Variants in FASN observed in about 807,000 individuals in gnomAD.
FASN encodes 3-hydroxyacyl-[acyl-carrier-protein] dehydratase.
Under a neutral mutation model 250.0 loss-of-function variants are expected in FASN, and 50 were observed. That is an observed-to-expected ratio of 0.20 (90% CI 0.16 to 0.25). FASN has a LOEUF of 0.25. FASN is among the 10% of genes least tolerant of loss of function. The probability of loss-of-function intolerance (pLI) is 1.00; values close to 1 mark genes in which losing one functional copy is unlikely to be tolerated. For synonymous variants in FASN, 1,909 were observed against 1,584.0 expected (o/e 1.21, Z -4.87); for missense variants, 3,031 against 3,498.5 (o/e 0.87, Z 3.37).
chr17:82,092,745 C>T lies in FASN; in HGVS notation c.846G>A (p.Val282=), dbSNP rs1336394823. The T allele has an allele frequency of 6.2e-7, 1 of 1,605,318 alleles. No individual in the cohort carries two copies. The highest frequency in any genetic ancestry group is 8.5e-7 in the Non-Finnish European group (1 of 1,177,684). ...LIRSLYQSAG[V]APESFEYIEA... ...CGATGTATTCAAATGACTCAGGGGC[C>T]ACTCCGGCCGACTGGTACAACGAGC... Residue 282 remains valine (V), a synonymous_variant, in exon 7 of 43, where the codon GTG becomes GTA. Transcript: ENST00000306749.
Position 82,081,305 on chromosome 17 carries a change from G to A in FASN, c.6454C>T (p.Leu2152=), listed in dbSNP as rs374189921. 9.6e-6 allele frequency: 15 copies of A among 1,557,732 alleles called. No homozygotes were observed. In the African/African-American group the frequency reaches 1.6e-4, roughly 17 times the overall value. ...AVNLDSSLAD[L]GLDSLMSVEV... ...ACGCTCATGAGCGAGTCCAGGCCCA[G>A]GTCCGCCAGTGAGCTGTCCAGGTTG... Residue 2152 remains leucine, a synonymous_variant, in exon 38 of 43, where the codon CTG becomes TTG. Transcript: ENST00000306749.
Position 82,098,105 on chromosome 17 carries a change from C to T in FASN, c.-8+16G>A, listed in dbSNP as rs1216593729. ...ACCACGACCCGCGCCCCGGCCCCAG[C>T]GCCGGCTGCTCGTACCTGGTGAGGG... is the stretch of plus-strand genomic sequence containing the variant. On this transcript the variant is annotated intron_variant, in intron 1 of 42. Coordinates refer to ENST00000306749, the MANE Select transcript of FASN (RefSeq NM_004104.5). 3 of 335,602 alleles carry T rather than the reference C, an allele frequency of 8.9e-6. No homozygotes were observed. The highest frequency in any genetic ancestry group is 1.6e-5 in the Non-Finnish European group (3 of 184,956). The allele number at this position is 335,602 out of a possible 1,614,324, so 20.8% of individuals were successfully genotyped here. A position where few individuals can be genotyped will look rare whatever the true frequency, so the allele number is the denominator to read the frequency against.
At position 82,085,498 on chromosome 17, in the gene FASN, T is replaced by C; in HGVS notation, c.4106A>G (p.Gln1369Arg). The C allele has an allele frequency of 6.3e-7, 1 of 1,593,724 alleles. No homozygotes were observed. Among genetic ancestry groups the C allele is most frequent in the Non-Finnish European group, 8.5e-7 (1 of 1,170,980 alleles). The change falls in exon 23 of 43, where the codon CAG becomes CGG. Residue 1369 changes from glutamine (Q) to arginine (R), a missense_variant. By Grantham distance (43) the Gln-to-Arg change is conservative (BLOSUM62 1). Transcript: ENST00000306749. ...CGGCCGCACCTGGCTCAGGATGCCC[T>C]GGCCATACTGCGGCTCAGTGGAGGT... ...FLTSTEPQYG[Q>R]GILSQDAWES...
Position 82,088,559 on chromosome 17 carries a change from G to C in FASN, c.2424C>G (p.Ile808Met). ...GGAACAAGGCATTGGGGTTGGCGTC[G>C]ATGCTACGGAGAAGGGAGGCATGGG... ...AGIGRLHLSG[I>M]DANPNALFPP... The change falls in exon 16 of 43, where the codon ATC (isoleucine) becomes ATG (methionine). Residue 808 changes from isoleucine (I) to methionine (M), a missense_variant. By Grantham distance (10) the Ile-to-Met change is conservative. Coordinates refer to ENST00000306749, the MANE Select transcript of FASN (RefSeq NM_004104.5). 2.5e-6 allele frequency: 4 copies of C among 1,604,440 alleles called. No individual in the cohort carries two copies. The highest frequency in any genetic ancestry group is 3.4e-6 in the Non-Finnish European group (4 of 1,174,654).
chr17:82,096,462 G>T lies in FASN; in HGVS notation c.-7-10C>A. On this transcript the variant is annotated splice_polypyrimidine_tract_variant and intron_variant, in intron 1 of 42. Transcript: ENST00000306749. ...CTCCTCCATGGCTGCTCTGCAGGGC[G>T]GGCGGTGTGAGTGCCCCACACATCC... The T allele has an allele frequency of 3.1e-6, 5 of 1,609,952 alleles. No individual in the cohort carries two copies. The highest frequency in any genetic ancestry group is 1.1e-5 in the South Asian group (1 of 91,082).
rs1375901245 is a variant in FASN, at chr17:82,087,038, C to T, written c.3427+12G>A. The T allele has an allele frequency of 9.3e-6, 15 of 1,610,402 alleles. No individual in the cohort carries two copies. The highest frequency in any genetic ancestry group is 1.1e-5 in the Non-Finnish European group (13 of 1,179,716). On this transcript the variant is annotated intron_variant, in intron 21 of 42. Coordinates refer to ENST00000306749, the MANE Select transcript of FASN (RefSeq NM_004104.5). ...CCAGAGGTGTCCGAAGCCAGCAGGG[C>T]TGGGACCTCACCCTTGCACAGTTGC...
chr17:82,080,837 C>T lies in FASN; in HGVS notation c.6681G>A (p.Glu2227=). ...LNLRSLLVNP[E]GPTLMRLNSV... is the part of the protein sequence containing the mutation. ...AGTTGAGCCGCATCAGGGTGGGGCCCTCCGGGTTCACCAGCAGGGAGCGCA... is the reference window on the plus strand; with the variant it reads ...AGTTGAGCCGCATCAGGGTGGGGCCTTCCGGGTTCACCAGCAGGGAGCGCA... The change falls in exon 39 of 43, where the codon GAG becomes GAA. Residue 2227 remains glutamate (E), a synonymous_variant. Coordinates refer to ENST00000306749, the MANE Select transcript of FASN (RefSeq NM_004104.5). 6.2e-7 allele frequency: 1 copy of T among 1,610,878 alleles called. No individual in the cohort carries two copies. The highest frequency in any genetic ancestry group is 1.3e-5 in the African/African-American group (1 of 75,032).
chr17:82,078,787 G>A lies in FASN; in HGVS notation c.*356C>T, dbSNP rs1598570772. ...CTGAGGAGTCTTGGCAGGGTGGACA[G>A]GCCTGGGGGTCTCTACCAGCAATGC... On this transcript the variant is annotated 3_prime_UTR_variant, in exon 43 of 43. Transcript: ENST00000306749. This position sits in a 1 kb window ranked among gnomAD's most constrained non-coding sequence, Gnocchi z 5.4. The A allele has an allele frequency of 8.0e-6, 3 of 376,982 alleles. No individual in the cohort carries two copies. In the East Asian group the frequency reaches 1.9e-4, roughly 24 times the overall value. 23.4% of individuals were successfully genotyped at this position (376,982 alleles called of 1,614,324 possible).
chr17:82,081,364 G>A lies in FASN; in HGVS notation c.6407-12C>T. On this transcript the variant is annotated splice_polypyrimidine_tract_variant and intron_variant, in intron 37 of 42. Coordinates refer to ENST00000306749, the MANE Select transcript of FASN (RefSeq NM_004104.5). The stretch of plus-strand genomic sequence containing the variant: ...CAAGTCGCGGATGCCTGGAAGGGAT[G>A]CGCCGGGTCGGCAACTCCAGAGGGG... 1 of 1,558,026 alleles carries A rather than the reference G, an allele frequency of 6.4e-7. No homozygotes were observed. Among genetic ancestry groups the A allele is most frequent in the Non-Finnish European group, 8.7e-7 (1 of 1,152,696 alleles).
At chr17:82,096,511 G>A (rs755929618) in intron 1 of FASN, 59 bp from the exon 2 acceptor site, 2 of 1,600,602 alleles carry the variant, frequency 1.2e-6, no homozygotes, top group Non-Finnish European at 1.7e-6. Context: ...CCCGTCAACA[G>A]CCTCGGCACC....
At chr17:82,094,624 A>G (rs1279642407) in intron 3 of FASN, among the ~76,000 whole-genome samples, 1 of 151,460 alleles carries the variant, frequency 6.6e-6, no homozygotes, top group Non-Finnish European at 1.5e-5. Context: ...CCCCATCTCT[A>G]CTAAAAATAC....
chr17:82,091,761 G>A lies in FASN; in HGVS notation c.1030-77C>T, dbSNP rs560830900. 49 of 1,334,330 alleles carry A rather than the reference G, an allele frequency of 3.7e-5. No homozygotes were observed. The East Asian group carries it at 6.6e-4, about 18-fold the overall frequency. The allele number at this position is 1,334,330 out of a possible 1,614,324, so 82.7% of individuals were successfully genotyped here. ...CTGAGCTGGGGGCAGGCACCTCCCCGAGACTCTCATGTGGGGCCAGGGTTC... is the reference window on the plus strand; with the variant it reads ...CTGAGCTGGGGGCAGGCACCTCCCCAAGACTCTCATGTGGGGCCAGGGTTC... On this transcript the variant is annotated intron_variant, in intron 8 of 42. Transcript: ENST00000306749.
In FASN at chr17:82,096,297, G is replaced by C. The variant is rs1196974238; in HGVS notation, c.127+22C>G. On this transcript the variant is annotated intron_variant, in intron 2 of 42. Coordinates refer to ENST00000306749, the MANE Select transcript of FASN (RefSeq NM_004104.5). Reference sequence around the variant, plus strand: ...AGATGGAGCTTCACACCCCAGGCACGGGGAGCCCCGCAGCCACATACCCGC... The same window carrying C: ...AGATGGAGCTTCACACCCCAGGCACCGGGAGCCCCGCAGCCACATACCCGC... 8 of 1,610,764 alleles carry C rather than the reference G, an allele frequency of 5.0e-6. No homozygotes were observed. The African/African-American group carries it at 6.7e-5, about 13-fold the overall frequency.
chr17:82,082,522 C>T lies in FASN; in HGVS notation c.5919+5G>A. On this transcript the variant is annotated splice_donor_5th_base_variant and intron_variant, in intron 34 of 42. Transcript: ENST00000306749. ...TTGAGGGCCCCATTTGGGGCCTTCC[C>T]TCACCACGGCCAGGTTGAAGACGCC... The T allele has an allele frequency of 6.2e-7, 1 of 1,608,800 alleles. No individual in the cohort carries two copies.
rs1598582299 is a variant in FASN at position 82,091,492 on chromosome 17, T to C, written c.1222A>G (p.Thr408Ala). The C allele has an allele frequency of 4.4e-6, 7 of 1,604,766 alleles. No individual in the cohort carries two copies. The highest frequency in any genetic ancestry group is 5.9e-6 in the Non-Finnish European group (7 of 1,176,510). Residue 408 changes from threonine to alanine, a missense_variant, in exon 9 of 43, where the codon ACG becomes GCG. By Grantham distance (58) the Thr-to-Ala change is moderately conservative. Coordinates refer to ENST00000306749, the MANE Select transcript of FASN (RefSeq NM_004104.5). ...SNVHIILRPN[T>A]QPPPAPAPHA... Reference sequence around the variant, plus strand: ...GGGGCGGGTGCGGGGGGCGGCTGCGTGTTGGGCCTCAGGATGATGTGCACG... The same window carrying C: ...GGGGCGGGTGCGGGGGGCGGCTGCGCGTTGGGCCTCAGGATGATGTGCACG...
Position 82,084,080 on chromosome 17 carries a change from C to A in FASN, c.4993G>T (p.Val1665Leu), listed in dbSNP as rs1270962378. 3.9e-6 allele frequency: 6 copies of A among 1,556,794 alleles called. No individual in the cohort carries two copies. The highest frequency in any genetic ancestry group is 1.9e-5 in the Admixed American group (1 of 51,766). Residue 1665 changes from valine to leucine, a missense_variant, in exon 29 of 43, where the codon GTG becomes TTG. Transcript: ENST00000306749. ...AYYALVVRGRVRPGETLLIHS... is the reference protein window; with the variant it reads ...AYYALVVRGRLRPGETLLIHS... ...ATGAGCAGCGTCTCCCCGGGGCGCA[C>A]CCGCCCACGCACCACCAGCGCGTAG...
Position 82,091,574 on chromosome 17 carries a change from G to A in FASN, c.1140C>T (p.Pro380=), listed in dbSNP as rs761880091. ...LDGRLQVVDQ[P]LPVRGGNVGI... The stretch of plus-strand genomic sequence containing the variant: ...CCACGTTGCCGCCACGGACGGGCAG[G>A]GGCTGGTCCACCACCTGCAGCCGCC... Residue 380 remains proline (P), a synonymous_variant, in exon 9 of 43, where the codon CCC becomes CCT. Transcript: ENST00000306749. The A allele has an allele frequency of 1.1e-5, 18 of 1,588,532 alleles. No homozygotes were observed. The Admixed American group carries it at 1.8e-4, about 16-fold the overall frequency.
chr17:82,097,287 C>T (rs566588413), intron 1 of FASN: 35 of 152,666 alleles, frequency 2.3e-4, no homozygotes, highest in Admixed American at 7.2e-4. Flanking sequence ...CTCCCTGGAG[C>T]CCAGGTCCCT....
chr17:82,080,230 C>T lies in FASN; in HGVS notation c.7056G>A (p.Arg2352=). Residue 2352 remains arginine, a synonymous_variant, in exon 41 of 43, where the codon CGG becomes CGA. Transcript: ENST00000306749. ...CCTCACAGCCTGGGGTCAGCTTTGC[C>T]CGGTAGCTCTGAGAGGAAGGAGGGA... The part of the protein sequence containing the change: ...TYVLAYTQSY[R]AKLTPGCEAE... 1.2e-6 allele frequency: 2 copies of T among 1,613,120 alleles called. No individual in the cohort carries two copies. The highest frequency in any genetic ancestry group is 8.5e-7 in the Non-Finnish European group (1 of 1,180,022).
Sources: gnomAD v4.1 joint callset for allele counts (sites outside exome capture counted in the v4.1 genomes callset) on GRCh38, gnomAD v4.1.1 for gene constraint, Gnocchi (gnomAD v3.1) non-coding constraint, MANE v1.5 for transcripts, NCBI Gene and HGNC (gene_info 2026-07-23, HGNC 2026-07-21) for gene names.